MTCL1: variants seen among roughly 807,000 people sequenced by gnomAD.
MTCL1 encodes microtubule crosslinking factor 1, also known as microtubule cross-linking factor 1.
In MTCL1, 79 loss-of-function variants were observed where a neutral mutation model predicts 141.4. The ratio of observed to expected loss-of-function variants is 0.56; its 90% CI spans 0.47 to 0.67. The LOEUF (loss-of-function observed/expected upper bound fraction) is 0.67, where lower values mean the gene tolerates loss of function less well. Ranked by LOEUF, MTCL1 falls within the 30% of genes least tolerant of loss-of-function variation. MTCL1 has a pLI of 0.00. For synonymous variants in MTCL1, 914 were observed against 875.8 expected, an observed-to-expected ratio of 1.04 and a Z score of -0.77; for missense variants, 2,177 against 2,113.9, an observed-to-expected ratio of 1.03 and a Z score of -0.59.
chr18:8,769,077 G>A (rs2096473523), intron 4 of MTCL1, among the ~76,000 whole-genome samples: 1 of 152,192 alleles, frequency 6.6e-6, no homozygotes. Context: ...ATACAGGCAT[G>A]AGCCAGCGCG....
chr18:8,829,040 C>T (rs764372101), intron 16 of MTCL1: 161 of 1,610,928 alleles, frequency 1.0e-4, no homozygotes, highest in Non-Finnish European at 1.3e-4. Context: ...ACCTGACGCT[C>T]ATCACCTGAG....
rs796844435 is a variant in MTCL1 at position 8,801,533 on chromosome 18, C to CTT, written c.2436+3244_2436+3245dup. 6.1e-4 allele frequency: 93 copies of CTT among 152,272 alleles called. 1 individual carries two copies. The highest frequency in any genetic ancestry group is 2.2e-3 in the African/African-American group (91 of 41,534). 9.4% of individuals were successfully genotyped at this position (152,272 alleles called of 1,614,324 possible). On this transcript the variant is annotated intron_variant, in intron 10 of 16. Transcript: ENST00000359865. ...TTGTGGTGGCAGTTGTTCTGTCACTCTTTAAGTAGCCCCTGCGTGAGGTAA... is the reference window on the plus strand; with the variant it reads ...TTGTGGTGGCAGTTGTTCTGTCACTCTTTTTAAGTAGCCCCTGCGTGAGGTAA...
chr18:8,784,979 G>A (rs1221717093), intron 6 of MTCL1, 136 bp downstream of exon 5: 13 of 646,000 alleles, frequency 2.0e-5, no homozygotes, highest in South Asian at 4.5e-5. Context: ...AAAGCCTCCG[G>A]GGCAACCGGA....
chr18:8,743,735 G>A (rs1598459999), intron 4 of MTCL1, among the ~76,000 whole-genome samples: 1 of 152,206 alleles, frequency 6.6e-6, no homozygotes, highest in East Asian at 1.9e-4. Flanking sequence ...AAAACCCTAT[G>A]ATGGCATTGG....
intron 4 of MTCL1, among the ~76,000 whole-genome samples, chr18:8,751,624 C>G (rs1333395083): frequency 6.6e-6 from 1 of 152,160 alleles, no homozygotes; most frequent in East Asian, 1.9e-4. Context: ...CAAGGAAATC[C>G]GAGGTGAATT....
chr18:8,809,242 G>T (rs1021370442), intron 11 of MTCL1, among the ~76,000 whole-genome samples: 3 of 152,194 alleles, frequency 2.0e-5, no homozygotes, highest in African/African-American at 7.2e-5. Context: ...TGGGGTTAAT[G>T]GTCTGTAGAC....
chr18:8,784,877 G>T (rs371339873), intron 6 of MTCL1, 34 bp downstream of exon 5: 2 of 1,516,102 alleles, frequency 1.3e-6, no homozygotes, highest in Non-Finnish European at 1.8e-6. Context: ...TCCCTGCTCC[G>T]CCTTGCTCTT....
At chr18:8,783,991 C>T (rs762852920) in exon 6 of MTCL1, 21 of 1,613,744 alleles carry the variant, frequency 1.3e-5, no homozygotes, top group Admixed American at 5.0e-5. Flanking sequence ...GGTCCATCTC[C>T]GAGATCGAAG....
intron 3 of MTCL1, 51 bp from the exon 3 acceptor site, chr18:8,720,287 A>G (rs1425373906): frequency 6.3e-7 from 1 of 1,594,394 alleles, no homozygotes; most frequent in South Asian, 1.1e-5. Context: ...TAGTACCCTT[A>G]GCACACAAAA....
chr18:8,751,922 C>G (rs2096373685), intron 4 of MTCL1, among the ~76,000 whole-genome samples: 1 of 152,164 alleles, frequency 6.6e-6, no homozygotes, highest in African/African-American at 2.4e-5. Flanking sequence ...ACGTTTAAGG[C>G]CAAGCTGCTG....
At chr18:8,706,001 G>C (rs2096057423) in exon 1 of MTCL1, 7 of 1,156,534 alleles carry the variant, frequency 6.1e-6, no homozygotes, top group Non-Finnish European at 5.3e-6. Context: ...CCCCCGCCGG[G>C]CGCCGGGGCC....
At chr18:8,740,757 A>G (rs1018865670) in intron 4 of MTCL1, among the ~76,000 whole-genome samples, 3 of 152,212 alleles carry the variant, frequency 2.0e-5, no homozygotes, top group Non-Finnish European at 4.4e-5. Context: ...TGCTGGGATT[A>G]CAGGGGTGAG....
At chr18:8,783,629 C>T in exon 6 of MTCL1, 3 of 1,613,650 alleles carry the variant, frequency 1.9e-6, no homozygotes, top group Non-Finnish European at 2.5e-6. Context: ...GAAGGACGAG[C>T]TGGAGCAGGA....
At chr18:8,787,414 C>G (rs1353456597) in intron 7 of MTCL1, 1 of 152,680 alleles carries the variant, frequency 6.5e-6, no homozygotes, top group African/African-American at 2.4e-5. Flanking sequence ...GGTGGCAGAA[C>G]TGGGTCTAGA....
At chr18:8,769,360 T>A (rs1285582225) in intron 4 of MTCL1, among the ~76,000 whole-genome samples, 1 of 152,240 alleles carries the variant, frequency 6.6e-6, no homozygotes, top group African/African-American at 2.4e-5. Flanking sequence ...TTTGTCATGG[T>A]CATCAGTTAC....
chr18:8,786,115 C>CCCCG (rs1555655971), intron 7 of MTCL1, 24 bp downstream of exon 6: 2 of 1,388,264 alleles, frequency 1.4e-6, no homozygotes, highest in South Asian at 1.3e-5. Flanking sequence ...AGCAATCCCC[C>CCCCG]CCCCCCGCCC....
intron 4 of MTCL1, among the ~76,000 whole-genome samples, chr18:8,721,738 T>C (rs1248130514): frequency 6.6e-6 from 1 of 152,240 alleles, no homozygotes; most frequent in East Asian, 1.9e-4. Flanking sequence ...TTGTCTATTG[T>C]CACCGCTCAT....
At chr18:8,734,678 T>C (rs536283233) in intron 4 of MTCL1, among the ~76,000 whole-genome samples, 1 of 152,324 alleles carries the variant, frequency 6.6e-6, no homozygotes, top group East Asian at 1.9e-4. Flanking sequence ...CCGTCACTTT[T>C]ACTGAGGTGG....
intron 4 of MTCL1, among the ~76,000 whole-genome samples, chr18:8,751,914 G>T (rs142048416): frequency 6.0e-4 from 91 of 152,324 alleles, no homozygotes; most frequent in African/African-American, 2.1e-3. Flanking sequence ...GAAAAGAAAC[G>T]TTTAAGGCCA....
Sources: allele counts gnomAD v4.1 joint callset (sites outside exome capture counted in the v4.1 genomes callset), GRCh38; gene constraint gnomAD v4.1.1; transcripts MANE v1.5; gene names NCBI Gene and HGNC (gene_info 2026-07-23, HGNC 2026-07-21).